AGBL4: variants seen among roughly 807,000 people sequenced by gnomAD.
AGBL4 encodes cytosolic carboxypeptidase 6.
In AGBL4, 58 loss-of-function variants were observed where a neutral mutation model predicts 66.4. The observed-to-expected ratio is 0.87, with a 90% CI of 0.71 to 1.09. The LOEUF is 1.09. Ranked by LOEUF, AGBL4 falls within the 50% of genes least tolerant of loss-of-function variation. AGBL4 has a pLI of 0.00. For missense variants in AGBL4, 579 were observed against 631.0 expected, an observed-to-expected ratio of 0.92 and a Z score of 0.88; for synonymous variants, 234 against 222.9, an observed-to-expected ratio of 1.05 and a Z score of -0.44.
At chr1:49,841,793 A>T in intron 2 of AGBL4, 1 of 338,700 alleles carries the variant, frequency 3.0e-6, no homozygotes, top group Middle Eastern at 6.3e-4. Flanking sequence ...CAGTCTGACA[A>T]TGTGATAAAA....
intron 2 of AGBL4, among the ~76,000 whole-genome samples, chr1:49,808,020 A>C (rs1645013636): frequency 6.6e-6 from 1 of 152,190 alleles, no homozygotes; most frequent in African/African-American, 2.4e-5. Flanking sequence ...AATAAAGTAC[A>C]GTTGTTTAAA....
chr1:49,981,154 G>C (rs575606442), intron 1 of AGBL4, among the ~76,000 whole-genome samples: 28 of 152,108 alleles, frequency 1.8e-4, no homozygotes, highest in Non-Finnish European at 3.2e-4. Context: ...GGCAGAACAG[G>C]GAACTGCAAA....
intron 2 of AGBL4, among the ~76,000 whole-genome samples, chr1:49,734,906 T>C (rs1649742282): frequency 6.6e-6 from 1 of 152,106 alleles, no homozygotes; most frequent in South Asian, 2.1e-4. Context: ...TCAGTGATGA[T>C]ACAAGGATAG....
At chr1:48,856,554 T>TA (rs1478302560) in intron 6 of AGBL4, among the ~76,000 whole-genome samples, 2 of 152,132 alleles carry the variant, frequency 1.3e-5, no homozygotes, top group Non-Finnish European at 2.9e-5. Flanking sequence ...AAAATGGCCA[T>TA]AAGGCAGTAT....
At chr1:48,752,059 C>A (rs1356733320) in intron 6 of AGBL4, among the ~76,000 whole-genome samples, 1 of 152,182 alleles carries the variant, frequency 6.6e-6, no homozygotes, top group Non-Finnish European at 1.5e-5. Context: ...AAGCAGGATA[C>A]AACAGTTTTT....
chr1:49,261,008 G>A (rs1653102442), intron 3 of AGBL4, among the ~76,000 whole-genome samples: 1 of 151,650 alleles, frequency 6.6e-6, no homozygotes. Context: ...TTCAATATAT[G>A]CCAATCAATA....
chr1:49,710,074 G>A (rs191401014), intron 2 of AGBL4, among the ~76,000 whole-genome samples: 7 of 152,266 alleles, frequency 4.6e-5, no homozygotes, highest in Non-Finnish European at 1.0e-4. Flanking sequence ...ATTTGACCCA[G>A]TAATCCCATT....
intron 2 of AGBL4, among the ~76,000 whole-genome samples, chr1:49,768,289 A>C (rs1225083709): frequency 6.6e-6 from 1 of 152,198 alleles, no homozygotes; most frequent in African/African-American, 2.4e-5. Flanking sequence ...AAAAATTAAC[A>C]AACTGAATCC....
intron 5 of AGBL4, among the ~76,000 whole-genome samples, chr1:49,014,616 ATAT>A (rs1174564589): frequency 6.6e-6 from 1 of 152,046 alleles, no homozygotes; most frequent in African/African-American, 2.4e-5. Context: ...CAGCCTCTTC[ATAT>A]TATTTTTTTC....
chr1:49,365,336 T>C lies in AGBL4; in HGVS notation c.283-119472A>G, dbSNP rs1000941196. 4.6e-5 allele frequency among the ~76,000 whole-genome samples: 7 copies of C among 152,070 alleles called. No individual in the cohort carries two copies. In the South Asian group the frequency reaches 1.5e-3, roughly 32 times the overall value. ...GAACTTCTAGGCCTCATCTGAACCA[T>C]GGAAACAATAGTAATAATGATAAGA... On this transcript the variant is annotated intron_variant, in intron 3 of 13. Coordinates refer to ENST00000371839, the MANE Select transcript of AGBL4 (RefSeq NM_032785.4).
At chr1:49,622,838 T>C (rs1298070567) in intron 3 of AGBL4, among the ~76,000 whole-genome samples, 2 of 152,290 alleles carry the variant, frequency 1.3e-5, no homozygotes, top group African/African-American at 4.8e-5. Flanking sequence ...TCCCTTTGCT[T>C]ATGCTATTCC....
At chr1:49,321,337 T>C (rs187012414) in intron 3 of AGBL4, among the ~76,000 whole-genome samples, 35 of 152,264 alleles carry the variant, frequency 2.3e-4, no homozygotes, top group African/African-American at 7.7e-4. Context: ...AATCAAGATG[T>C]CAAACCTCAT....
At chr1:50,011,226 A>G (rs1170403865) in intron 1 of AGBL4, among the ~76,000 whole-genome samples, 3 of 152,222 alleles carry the variant, frequency 2.0e-5, no homozygotes, top group Non-Finnish European at 4.4e-5. Context: ...TGGGCAAAAT[A>G]TTTGAATAGA....
intron 3 of AGBL4, among the ~76,000 whole-genome samples, chr1:49,379,639 T>C (rs1644550666): frequency 6.6e-6 from 1 of 152,180 alleles, no homozygotes; most frequent in Non-Finnish European, 1.5e-5. Context: ...GAGATAATCA[T>C]GTGGTTTTTG....
chr1:49,233,027 T>G (rs1412445571), intron 4 of AGBL4, among the ~76,000 whole-genome samples: 2 of 152,232 alleles, frequency 1.3e-5, no homozygotes, highest in Non-Finnish European at 2.9e-5. Flanking sequence ...GATGGGTACT[T>G]GGATAATTTA....
chr1:49,879,570 C>G (rs1191435082), intron 1 of AGBL4, among the ~76,000 whole-genome samples: 9 of 147,974 alleles, frequency 6.1e-5, no homozygotes, highest in African/African-American at 2.0e-4. Flanking sequence ...GTAACCCGAC[C>G]TTTCTCTCTG....
chr1:49,279,708 G>C (rs1032423510), intron 3 of AGBL4, among the ~76,000 whole-genome samples: 1 of 152,066 alleles, frequency 6.6e-6, no homozygotes, highest in Non-Finnish European at 1.5e-5. Flanking sequence ...AAAAAATTAT[G>C]TCACTGAGAA....
intron 3 of AGBL4, among the ~76,000 whole-genome samples, chr1:49,616,008 T>C (rs1271226040): frequency 2.0e-5 from 3 of 152,158 alleles, no homozygotes; most frequent in African/African-American, 4.8e-5. Context: ...ATTAAACTGT[T>C]ATTTCTTTAC....
intron 10 of AGBL4, among the ~76,000 whole-genome samples, chr1:48,588,487 G>C (rs1023025691): frequency 3.3e-5 from 5 of 152,162 alleles, no homozygotes; most frequent in Non-Finnish European, 7.3e-5. Context: ...TTCACTTGGG[G>C]TTAGAAGGGC....
Sources: gnomAD v4.1 joint callset for allele counts (sites outside exome capture counted in the v4.1 genomes callset) on GRCh38, gnomAD v4.1.1 for gene constraint, MANE v1.5 for transcripts, NCBI Gene and HGNC (gene_info 2026-07-23, HGNC 2026-07-21) for gene names.